NBPF3: variants seen among roughly 807,000 people sequenced by gnomAD.
NBPF3 encodes the protein NBPF member 3.
In NBPF3, 57 loss-of-function variants were observed where a neutral mutation model predicts 78.1. That is an observed-to-expected ratio of 0.73 (90% confidence interval 0.59 to 0.91). NBPF3 has a LOEUF of 0.91. NBPF3 is among the 40% of genes least tolerant of loss of function. The pLI is 0.00. For synonymous variants in NBPF3, 182 were observed against 271.7 expected (o/e 0.67, Z 3.25); for missense variants, 510 against 715.3 (o/e 0.71, Z 3.27).
intron 2 of NBPF3, among the ~76,000 whole-genome samples, chr1:21,453,218 A>G (rs1463559985): frequency 6.6e-6 from 1 of 152,090 alleles, no homozygotes; most frequent in East Asian, 1.9e-4. Context: ...CCTGGAAGTG[A>G]GAGGAAGGTG....
In NBPF3 at chr1:21,483,321, T is replaced by C. The variant is rs1295810441; in HGVS notation, c.1837T>C (p.Phe613Leu). Residue 613 changes from phenylalanine to leucine, a missense_variant, in exon 15 of 15, where the codon TTT becomes CTT. Coordinates refer to ENST00000318249, the MANE Select transcript of NBPF3 (RefSeq NM_032264.6). ...CTTGGCCCTTGACGTGGACAATAGG[T>C]TTTTTACTTTGACAGTGATAAGGCA... ...VSLALDVDNR[F>L]FTLTVIRHHL... The C allele has an allele frequency of 8.1e-7, 1 of 1,233,002 alleles. No homozygotes were observed. The highest frequency in any genetic ancestry group is 1.1e-6 in the Non-Finnish European group (1 of 901,580). The allele number at this position is 1,233,002 out of a possible 1,614,324, so 76.4% of individuals were successfully genotyped here. A position where few individuals can be genotyped will look rare whatever the true frequency, so the allele number is the denominator to read the frequency against.
intron 4 of NBPF3, among the ~76,000 whole-genome samples, chr1:21,471,213 C>T (rs1163920341): frequency 6.6e-6 from 1 of 152,102 alleles, no homozygotes; most frequent in Non-Finnish European, 1.5e-5. Context: ...TGTATCTAGT[C>T]GCTGCAAGAT....
Position 21,483,197 on chromosome 1 carries a change from G to C in NBPF3, c.1713G>C (p.Leu571=). 6.3e-7 allele frequency: 1 copy of C among 1,598,962 alleles called. No individual in the cohort carries two copies. Among genetic ancestry groups the C allele is most frequent in the Non-Finnish European group, 8.5e-7 (1 of 1,173,244 alleles). Residue 571 remains leucine, a synonymous_variant, in exon 15 of 15, where the codon CTG becomes CTC. Transcript: ENST00000318249. ...AEEPEVLQDS[L]DRCYSTTSTY... The stretch of plus-strand genomic sequence containing the variant: ...AGCCTGAAGTCTTGCAGGACTCACT[G>C]GATAGATGTTATTCGACTACTTCAA...
chr1:21,474,260 A>G (rs1038963811), intron 7 of NBPF3, among the ~76,000 whole-genome samples: 2 of 150,076 alleles, frequency 1.3e-5, no homozygotes, highest in African/African-American at 2.5e-5. Context: ...CTGGAGTGCA[A>G]TGGCTCCATT....
At chr1:21,478,404 G>A in intron 9 of NBPF3, 97 bp downstream of exon 9, 5 of 1,338,000 alleles carry the variant, frequency 3.7e-6, no homozygotes, top group Non-Finnish European at 5.4e-6. Flanking sequence ...GCTGAGAGTT[G>A]CCATCACTGT....
At chr1:21,436,890 G>A, upstream of NBPF3, 1 of 483,872 alleles carries the variant, frequency 2.1e-6, no homozygotes, top group Non-Finnish European at 3.3e-6. This position sits in a 1 kb window ranked among gnomAD's most constrained non-coding sequence, Gnocchi z 4.3. Context: ...GGGCGGGGAC[G>A]GGTCCGGGGA....
chr1:21,447,121 A>G (rs1358776192), intron 2 of NBPF3, among the ~76,000 whole-genome samples: 1 of 152,180 alleles, frequency 6.6e-6, no homozygotes, highest in African/African-American at 2.4e-5. Context: ...TTTTTAGAAC[A>G]GTTCTAGGTT....
chr1:21,454,974 TC>T (rs1441295820), intron 2 of NBPF3, among the ~76,000 whole-genome samples: 6 of 152,216 alleles, frequency 3.9e-5, no homozygotes, highest in African/African-American at 1.4e-4. Context: ...CTCTCAAGTT[TC>T]CTCAGGTTGT....
At chr1:21,477,592 G>A (rs1340476081) in intron 8 of NBPF3, among the ~76,000 whole-genome samples, 1 of 152,084 alleles carries the variant, frequency 6.6e-6, no homozygotes, top group East Asian at 1.9e-4. Flanking sequence ...GGGATTTCTT[G>A]GTGTCACCTG....
At chr1:21,480,602 A>G (rs1340344817) in intron 11 of NBPF3, among the ~76,000 whole-genome samples, 2 of 152,300 alleles carry the variant, frequency 1.3e-5, no homozygotes, top group Non-Finnish European at 2.9e-5. Flanking sequence ...GACAGGGCTG[A>G]ATACTGCAGT....
Position 21,476,174 on chromosome 1 carries a change from G to A in NBPF3, c.992+1223G>A, listed in dbSNP as rs189746786. Among the ~76,000 whole-genome samples the A allele has an allele frequency of 5.2e-3, 786 of 152,082 alleles. 2 individuals carry two copies. The highest frequency in any genetic ancestry group is 0.01 in the Middle Eastern group (3 of 294). The stretch of plus-strand genomic sequence containing the variant: ...TTTGAGCCTATGTGTGTCTCTGCAC[G>A]TGAGATGGGTCTCCTGCGTACAGCA... On this transcript the variant is annotated intron_variant, in intron 8 of 14. Transcript: ENST00000318249. This position sits in a 1 kb window ranked among gnomAD's most constrained non-coding sequence, Gnocchi z 4.1.
chr1:21,438,216 A>C (rs1183377187), upstream of NBPF3, among the ~76,000 whole-genome samples: 2 of 149,038 alleles, frequency 1.3e-5, no homozygotes, highest in Non-Finnish European at 3.0e-5. Flanking sequence ...GGGTTCAAGC[A>C]ATTCTCCTGC....
intron 9 of NBPF3, 36 bp from the exon 10 acceptor site, chr1:21,479,313 C>T (rs1191103382): frequency 1.5e-5 from 24 of 1,604,278 alleles, no homozygotes; most frequent in Non-Finnish European, 1.6e-5. Flanking sequence ...GGAAGAACTG[C>T]TTCATGTAAG....
At chr1:21,446,052 G>A (rs1274354022) in intron 2 of NBPF3, 1 of 152,396 alleles carries the variant, frequency 6.6e-6, no homozygotes, top group Admixed American at 6.5e-5. Flanking sequence ...GGGGGAGTAG[G>A]AGCCAGTGCA....
intron 2 of NBPF3, among the ~76,000 whole-genome samples, chr1:21,463,715 G>A (rs1207595369): frequency 2.6e-5 from 4 of 152,130 alleles, no homozygotes; most frequent in Admixed American, 1.3e-4. Context: ...GTTTGACACA[G>A]GTCTAGTACC....
intron 1 of NBPF3, chr1:21,440,959 C>G (rs1331980880): frequency 2.6e-5 from 4 of 152,290 alleles, no homozygotes; most frequent in Admixed American, 2.6e-4. Context: ...CGAGGAGTTG[C>G]TGTGGTTTCC....
intron 4 of NBPF3, among the ~76,000 whole-genome samples, 161 bp from the exon 5 acceptor site, chr1:21,471,408 T>C (rs551468324): frequency 1.3e-5 from 2 of 152,292 alleles, no homozygotes; most frequent in African/African-American, 4.8e-5. Context: ...TGAACCATTT[T>C]TTATTCTTTC....
At chr1:21,468,535 G>T (rs1014578345) in intron 2 of NBPF3, 153 bp from the exon 3 acceptor site, 59 of 1,500,382 alleles carry the variant, frequency 3.9e-5, no homozygotes, top group Non-Finnish European at 4.8e-5. Context: ...CATTGTTTTT[G>T]TCGTTAAGGA....
rs992256702 is a variant in NBPF3 at position 21,466,121 on chromosome 1, T to A, written c.134-2567T>A. ...GGAGGAGCCCGAATCACTGATGGAATCGGACAGTGCATGGAGATGGTTCAG... is the reference window on the plus strand; with the variant it reads ...GGAGGAGCCCGAATCACTGATGGAAACGGACAGTGCATGGAGATGGTTCAG... On this transcript the variant is annotated intron_variant, in intron 2 of 14. Transcript: ENST00000318249. 4.1e-6 allele frequency: 4 copies of A among 985,316 alleles called. No homozygotes were observed. In the African/African-American group the frequency reaches 7.0e-5, roughly 17 times the overall value. 61.0% of individuals were successfully genotyped at this position (985,316 alleles called of 1,614,324 possible).
Sources: allele counts gnomAD v4.1 joint callset (sites outside exome capture counted in the v4.1 genomes callset), GRCh38; gene constraint gnomAD v4.1.1; non-coding constraint Gnocchi (gnomAD v3.1); transcripts MANE v1.5; gene names NCBI Gene and HGNC (gene_info 2026-07-23, HGNC 2026-07-21).